The following BICC1 variants were observed in gnomAD, a reference collection of about 807,000 sequenced individuals.
BICC1 encodes the protein protein bicaudal C homolog 1.
A neutral mutation model predicts 111.0 loss-of-function variants in BICC1; 43 were observed. That is an observed-to-expected ratio of 0.39 (90% CI 0.30 to 0.50). BICC1 has a LOEUF of 0.50. Ranked by LOEUF, BICC1 falls within the 20% of genes least tolerant of loss-of-function variation. The pLI is 0.88. For missense variants in BICC1, 1,091 were observed against 1,203.2 expected (o/e 0.91, Z 1.38); for synonymous variants, 467 against 434.4 (o/e 1.07, Z -0.93).
chr10:58,620,410 A>G (rs1200917242), intron 1 of BICC1, among the ~76,000 whole-genome samples: 1 of 152,206 alleles, frequency 6.6e-6, no homozygotes, highest in East Asian at 1.9e-4. Flanking sequence ...CTGAAATTCA[A>G]GTAGATTATA....
At chr10:58,735,364 G>C (rs1841435526) in intron 3 of BICC1, among the ~76,000 whole-genome samples, 1 of 152,184 alleles carries the variant, frequency 6.6e-6, no homozygotes, top group African/African-American at 2.4e-5. Context: ...GCGACATGCT[G>C]CATGCTGTTA....
intron 2 of BICC1, among the ~76,000 whole-genome samples, chr10:58,701,493 A>T (rs1439950924): frequency 6.6e-6 from 1 of 152,132 alleles, no homozygotes; most frequent in African/African-American, 2.4e-5. Flanking sequence ...AGTGGGAAGG[A>T]CCTTTGGCAA....
At chr10:58,636,532 G>A (rs189289223) in intron 2 of BICC1, among the ~76,000 whole-genome samples, 1 of 152,106 alleles carries the variant, frequency 6.6e-6, no homozygotes, top group East Asian at 1.9e-4. Context: ...TTTAAAACTT[G>A]GGTGATCCAG....
intron 3 of BICC1, among the ~76,000 whole-genome samples, chr10:58,719,011 G>A (rs1840852659): frequency 6.6e-6 from 1 of 152,082 alleles, no homozygotes; most frequent in South Asian, 2.1e-4. Flanking sequence ...TTCAAGGGAA[G>A]GAGGACATAT....
intron 2 of BICC1, among the ~76,000 whole-genome samples, chr10:58,657,580 T>C (rs1450034865): frequency 2.0e-5 from 3 of 152,182 alleles, no homozygotes. Flanking sequence ...GAAATTGTTT[T>C]GTTTACATGT....
At chr10:58,787,177 A>G in intron 5 of BICC1, 96 bp downstream of exon 5, 1 of 1,114,960 alleles carries the variant, frequency 9.0e-7, no homozygotes, top group Non-Finnish European at 1.3e-6. Flanking sequence ...GGTGAGACAA[A>G]AAAAAAATCA....
intron 20 of BICC1, among the ~76,000 whole-genome samples, chr10:58,822,486 T>G (rs1844280586): frequency 1.3e-5 from 2 of 152,116 alleles, no homozygotes; most frequent in Admixed American, 1.3e-4. Flanking sequence ...TCTAATCATC[T>G]TCTTTGTCAT....
intron 13 of BICC1, among the ~76,000 whole-genome samples, 179 bp downstream of exon 13, chr10:58,800,505 A>G (rs1414136857): frequency 5.3e-5 from 8 of 152,228 alleles, no homozygotes; most frequent in Non-Finnish European, 1.5e-5. Context: ...TGAAAGATTA[A>G]CTGAAAAGCA....
intron 2 of BICC1, among the ~76,000 whole-genome samples, chr10:58,680,768 A>G (rs1254678221): frequency 6.6e-6 from 1 of 152,214 alleles, no homozygotes; most frequent in Non-Finnish European, 1.5e-5. Flanking sequence ...CCTGACTTCA[A>G]ACTATACTAC....
intron 3 of BICC1, among the ~76,000 whole-genome samples, chr10:58,711,737 A>G (rs1840580357): frequency 6.6e-6 from 1 of 151,958 alleles, no homozygotes. Flanking sequence ...GTCAGAGAGG[A>G]AAATGGTCTC....
intron 4 of BICC1, among the ~76,000 whole-genome samples, chr10:58,785,908 C>A (rs1180909000): frequency 6.6e-6 from 1 of 152,102 alleles, no homozygotes. Context: ...TGTTTTCATT[C>A]TTCCTTTCTG....
chr10:58,571,404 A>G (rs1226870602), intron 1 of BICC1, among the ~76,000 whole-genome samples: 1 of 152,104 alleles, frequency 6.6e-6, no homozygotes, highest in African/African-American at 2.4e-5. Flanking sequence ...AACATGTGCC[A>G]TGGTGGTTTG....
intron 20 of BICC1, among the ~76,000 whole-genome samples, chr10:58,827,996 GATTATCTTA>G (rs1844449470): frequency 6.6e-6 from 1 of 152,094 alleles, no homozygotes; most frequent in Non-Finnish European, 1.5e-5. Flanking sequence ...TCTTCCTAAT[GATTATCTTA>G]GTATTTTCTC....
chr10:58,792,414 G>A (rs551695525), intron 8 of BICC1, among the ~76,000 whole-genome samples: 2 of 152,118 alleles, frequency 1.3e-5, no homozygotes, highest in African/African-American at 4.8e-5. Flanking sequence ...CTCAATCCCC[G>A]GGACAAGGAC....
chr10:58,522,238 A>G (rs1049774796), intron 1 of BICC1, among the ~76,000 whole-genome samples: 2 of 152,024 alleles, frequency 1.3e-5, no homozygotes, highest in African/African-American at 4.8e-5. Flanking sequence ...GTTAGGCATA[A>G]TAGATACCTA....
intron 2 of BICC1, among the ~76,000 whole-genome samples, chr10:58,648,986 G>C (rs1415212326): frequency 6.6e-6 from 1 of 152,160 alleles, no homozygotes; most frequent in Non-Finnish European, 1.5e-5. Context: ...CACTTAATGA[G>C]AGGTGGCAGA....
intron 2 of BICC1, among the ~76,000 whole-genome samples, chr10:58,697,863 G>A (rs967038429): frequency 1.3e-5 from 2 of 151,636 alleles, no homozygotes; most frequent in Admixed American, 1.3e-4. Flanking sequence ...CTCCAGTACT[G>A]AAGTTCCTAG....
intron 2 of BICC1, among the ~76,000 whole-genome samples, chr10:58,701,091 G>T (rs1163551837): frequency 6.6e-6 from 1 of 152,120 alleles, no homozygotes; most frequent in Non-Finnish European, 1.5e-5. Context: ...GGAGAAAAAG[G>T]TACTTATTAT....
At chr10:58,659,244 C>T (rs886722297) in intron 2 of BICC1, among the ~76,000 whole-genome samples, 3 of 152,008 alleles carry the variant, frequency 2.0e-5, no homozygotes, top group Non-Finnish European at 2.9e-5. Flanking sequence ...GGTATGTACC[C>T]GAAGGAATAG....
Sources: gnomAD v4.1 joint callset for allele counts (sites outside exome capture counted in the v4.1 genomes callset) on GRCh38, gnomAD v4.1.1 for gene constraint, MANE v1.5 for transcripts, NCBI Gene and HGNC (gene_info 2026-07-23, HGNC 2026-07-21) for gene names.